CSF3R: variants seen among roughly 807,000 people sequenced by gnomAD.
The protein encoded by CSF3R is granulocyte colony-stimulating factor receptor.
Under a neutral mutation model 84.4 loss-of-function variants are expected in CSF3R, and 52 were observed. The observed-to-expected ratio is 0.62, with a 90% CI of 0.49 to 0.78. The LOEUF (loss-of-function observed/expected upper bound fraction) is 0.78, where lower values mean the gene tolerates loss of function less well. Among genes scored for constraint, CSF3R ranks in the 30% least tolerant of loss-of-function variants. CSF3R has a pLI of 0.00. For missense variants in CSF3R, 890 were observed against 1,055.7 expected, an observed-to-expected ratio of 0.84 and a Z score of 2.17; for synonymous variants, 384 against 429.1, an observed-to-expected ratio of 0.89 and a Z score of 1.30.
Position 36,466,373 on chromosome 1 carries a change from G to T in CSF3R, c.2495C>A (p.Ala832Glu). 1 of 1,613,030 alleles carries T rather than the reference G, an allele frequency of 6.2e-7. No homozygotes were observed. Among genetic ancestry groups the T allele is most frequent in the Non-Finnish European group, 8.5e-7 (1 of 1,179,974 alleles). The part of the protein sequence containing the change: ...LQGIRVHGME[A>E]LGSF ...CAGGAAGCCCTAGAAGCTCCCCAGC[G>T]CCTCCATCCCATGGACCCGGATCCC... Residue 832 changes from alanine to glutamate, a missense_variant, in exon 17 of 17, where the codon GCG (alanine) becomes GAG (glutamate). By Grantham distance (107) the Ala-to-Glu change is moderately radical (BLOSUM62 -1). Transcript: ENST00000373106. This position sits in a 1 kb window ranked among gnomAD's most constrained non-coding sequence, Gnocchi z 4.6.
At position 36,466,587 on chromosome 1, in the gene CSF3R, T is replaced by G. The variant is rs751957916; in HGVS notation, c.2281A>C (p.Ser761Arg). ...LYGQLLGSPT[S>R]PGPGHYLRCD... The stretch of plus-strand genomic sequence containing the variant: ...CGGAGATAGTGCCCTGGCCCTGGGC[T>G]TGTGGGGCTGCCCAGCAGCTGCCCA... The change falls in exon 17 of 17, where the codon AGC becomes CGC. Residue 761 changes from serine to arginine, a missense_variant. Ser to Arg is a moderately radical substitution (Grantham distance 110). Coordinates refer to ENST00000373106, the MANE Select transcript of CSF3R (RefSeq NM_000760.4). This position sits in a 1 kb window ranked among gnomAD's most constrained non-coding sequence, Gnocchi z 4.6. 2.5e-6 allele frequency: 4 copies of G among 1,612,278 alleles called. No individual in the cohort carries two copies. The highest frequency in any genetic ancestry group is 2.2e-5 in the South Asian group (2 of 91,026).
chr1:36,467,963 C>A lies in CSF3R; in HGVS notation c.1724-1G>T, dbSNP rs766648717. The stretch of plus-strand genomic sequence containing the variant: ...CGGGAGGAGGCATTCAGGATGGCGG[C>A]TGGGAGGGGTGTACGGTCAGCATAG... On this transcript the variant is annotated splice_acceptor_variant, in intron 13 of 16. Transcript: ENST00000373106. LOFTEE classifies it high-confidence loss of function. The surrounding 1 kb of genome is among the most constrained non-coding windows in gnomAD (Gnocchi z 4.1). The A allele has an allele frequency of 1.2e-6, 2 of 1,614,178 alleles. No homozygotes were observed. The highest frequency in any genetic ancestry group is 1.7e-6 in the Non-Finnish European group (2 of 1,180,046).
At chr1:36,479,226 G>A (rs553090332) in intron 3 of CSF3R, 14 of 647,634 alleles carry the variant, frequency 2.2e-5, no homozygotes, top group South Asian at 1.3e-4. Flanking sequence ...TGACCAGCCC[G>A]GGTCGTCTCA....
intron 4 of CSF3R, 102 bp from the exon 5 acceptor site, chr1:36,473,989 C>T: frequency 1.3e-6 from 2 of 1,540,054 alleles, no homozygotes; most frequent in Admixed American, 3.4e-5. Context: ...CTTGGTTCCT[C>T]TGTTGTCACC....
chr1:36,466,801 GC>G lies in CSF3R; in HGVS notation c.2066del (p.Gly689AlafsTer113). On this transcript the variant is annotated frameshift_variant, in exon 17 of 17. Transcript: ENST00000373106. LOFTEE classifies it low-confidence loss of function (END_TRUNC). This position sits in a 1 kb window ranked among gnomAD's most constrained non-coding sequence, Gnocchi z 4.6. ...CTGTGAGCTTGGTGATGGGTGGCGT[GC>G]CAAGGCCGGGCAGCTGGAAGGCATC... ...EEDAFQLPGL[G>X]TPPITKLTVL... The G allele has an allele frequency of 6.2e-7, 1 of 1,614,194 alleles. No homozygotes were observed. The highest frequency in any genetic ancestry group is 8.5e-7 in the Non-Finnish European group (1 of 1,180,038).
Position 36,472,755 on chromosome 1 carries a change from T to A in CSF3R, c.674-69A>T. The A allele has an allele frequency of 6.9e-7, 1 of 1,444,010 alleles. No homozygotes were observed. Among genetic ancestry groups the A allele is most frequent in the Non-Finnish European group, 9.2e-7 (1 of 1,088,674 alleles). The allele number at this position is 1,444,010 out of a possible 1,614,324, so 89.4% of individuals were successfully genotyped here. On this transcript the variant is annotated intron_variant, in intron 6 of 16. Transcript: ENST00000373106. The surrounding 1 kb of genome is among the most constrained non-coding windows in gnomAD (Gnocchi z 5.0). ...AGAGGGCTCTGCCTTAGCTCCCTCTTGTCTCCCTGTCTGTGGTTCACCATC... is the reference window on the plus strand; with the variant it reads ...AGAGGGCTCTGCCTTAGCTCCCTCTAGTCTCCCTGTCTGTGGTTCACCATC...
Position 36,472,290 on chromosome 1 carries a change from A to G in CSF3R, c.945T>C (p.Pro315=), listed in dbSNP as rs764772333. The G allele has an allele frequency of 1.9e-6, 3 of 1,614,038 alleles. No individual in the cohort carries two copies. The highest frequency in any genetic ancestry group is 1.3e-5 in the African/African-American group (1 of 74,924). The part of the protein sequence containing the change: ...LQIRCIRWPL[P]GHWSDWSPSL... ...TGGGGCTCCAGTCGCTCCAGTGGCC[A>G]GGCAGGGGCCAGCGGATGCAGCGTA... The change falls in exon 8 of 17, where the codon CCT becomes CCC. Residue 315 remains proline (P), a synonymous_variant. Coordinates refer to ENST00000373106, the MANE Select transcript of CSF3R (RefSeq NM_000760.4). The surrounding 1 kb of genome is among the most constrained non-coding windows in gnomAD (Gnocchi z 5.0).
In CSF3R at chr1:36,468,353, A is replaced by G. The variant is rs894237018; in HGVS notation, c.1577-132T>C. The G allele has an allele frequency of 5.4e-6, 5 of 926,108 alleles. No homozygotes were observed. The East Asian group carries it at 1.1e-4, about 20-fold the overall frequency. The allele number at this position is 926,108 out of a possible 1,614,324, so 57.4% of individuals were successfully genotyped here. A position where few individuals can be genotyped will look rare whatever the true frequency, so the allele number is the denominator to read the frequency against. ...CCAAGGGGACTCATGCCCAAGCCTC[A>G]TTTTTCCCAGGGATTTAATCCAGAT... is the stretch of plus-strand genomic sequence containing the variant. On this transcript the variant is annotated intron_variant, in intron 12 of 16. Coordinates refer to ENST00000373106, the MANE Select transcript of CSF3R (RefSeq NM_000760.4).
intron 2 of CSF3R, chr1:36,479,915 A>T: frequency 2.9e-6 from 1 of 340,150 alleles, no homozygotes; most frequent in Non-Finnish European, 5.8e-6. Context: ...CTAGCAGCAG[A>T]TAAGGGACTG....
rs1354900921 is a variant in CSF3R at position 36,481,556 on chromosome 1, A to G, written c.-80-19T>C. 6.6e-6 allele frequency: 1 copy of G among 152,190 alleles called. No individual in the cohort carries two copies. Among genetic ancestry groups the G allele is most frequent in the African/African-American group, 2.4e-5 (1 of 41,426 alleles). 9.4% of individuals were successfully genotyped at this position (152,190 alleles called of 1,614,324 possible). On this transcript the variant is annotated intron_variant, in intron 1 of 16. Transcript: ENST00000373106. ...TCCCCATCTGTGGGAAAGAAATAAC[A>G]TTAGCACTCACTCCTCAGCGTTGTT...
intron 11 of CSF3R, 124 bp downstream of exon 11, chr1:36,469,528 A>G (rs1257370014): frequency 4.2e-6 from 5 of 1,198,448 alleles, no homozygotes; most frequent in Non-Finnish European, 4.9e-6. Flanking sequence ...GAGAACAACG[A>G]AGGATCAAGA....
At position 36,472,098 on chromosome 1, in the gene CSF3R, G is replaced by C. The variant is rs944072630; in HGVS notation, c.1039C>G (p.Leu347Val). ...RLDTWWRQRQLDPRTVQLFWK... is the reference protein window; with the variant it reads ...RLDTWWRQRQVDPRTVQLFWK... The stretch of plus-strand genomic sequence containing the variant: ...AACAGCTGCACTGTCCTGGGGTCCA[G>C]CTGCCTCTGCCGCCACCATGTGTCC... The change falls in exon 9 of 17, where the codon CTG becomes GTG. Residue 347 changes from leucine (L) to valine (V), a missense_variant. By Grantham distance (32) the Leu-to-Val change is conservative. Transcript: ENST00000373106. This position sits in a 1 kb window ranked among gnomAD's most constrained non-coding sequence, Gnocchi z 5.0. The C allele has an allele frequency of 6.2e-7, 1 of 1,613,640 alleles. No individual in the cohort carries two copies. The highest frequency in any genetic ancestry group is 8.5e-7 in the Non-Finnish European group (1 of 1,180,034).
intron 12 of CSF3R, 51 bp from the exon 13 acceptor site, chr1:36,468,272 G>A: frequency 6.6e-7 from 1 of 1,519,294 alleles, no homozygotes. Context: ...CAGAGCAAGA[G>A]CCCGGTTGGA....
Position 36,472,599 on chromosome 1 carries a change from T to A in CSF3R, c.761A>T (p.Glu254Val). 6.2e-7 allele frequency: 1 copy of A among 1,613,972 alleles called. No individual in the cohort carries two copies. The highest frequency in any genetic ancestry group is 1.1e-5 in the South Asian group (1 of 91,074). ...PQAGCLQLCWEPWQPGLHINQ... is the reference protein window; with the variant it reads ...PQAGCLQLCWVPWQPGLHINQ... The stretch of plus-strand genomic sequence containing the variant: ...TATGTGCAGGCCTGGCTGCCATGGC[T>A]CCCAGCACAGCTGTAGGCAGCCTGC... Residue 254 changes from glutamate to valine, a missense_variant, in exon 7 of 17, where the codon GAG becomes GTG. Glu to Val is a moderately radical substitution (Grantham distance 121). Coordinates refer to ENST00000373106, the MANE Select transcript of CSF3R (RefSeq NM_000760.4). The surrounding 1 kb of genome is among the most constrained non-coding windows in gnomAD (Gnocchi z 5.0).
At chr1:36,469,089 G>T in intron 12 of CSF3R, 67 bp downstream of exon 12, 1 of 1,168,552 alleles carries the variant, frequency 8.6e-7, no homozygotes, top group Non-Finnish European at 1.3e-6. Flanking sequence ...TCTGATTGCT[G>T]GGGACCAGGC....
chr1:36,471,099 G>A (rs961911792), intron 10 of CSF3R, among the ~76,000 whole-genome samples: 22 of 152,086 alleles, frequency 1.4e-4, no homozygotes, highest in Middle Eastern at 3.2e-3. Context: ...AGGCTAGAGT[G>A]TAATGGCGTG....
intron 3 of CSF3R, 90 bp from the exon 4 acceptor site, chr1:36,475,763 C>T (rs1053729583): frequency 7.8e-7 from 1 of 1,283,502 alleles, no homozygotes; most frequent in East Asian, 2.5e-5. Flanking sequence ...GACTCAGAGG[C>T]CTCACCTTCC....
intron 12 of CSF3R, 45 bp downstream of exon 12, chr1:36,469,111 A>ATT: frequency 7.2e-7 from 1 of 1,388,522 alleles, no homozygotes; most frequent in Non-Finnish European, 1.0e-6. Flanking sequence ...GAGCCTTGGG[A>ATT]GAGAGAGGAG....
Position 36,466,307 on chromosome 1 carries a change from C to A in CSF3R, c.*50G>T, listed in dbSNP as rs369842345. 2 of 1,611,792 alleles carry A rather than the reference C, an allele frequency of 1.2e-6. No homozygotes were observed. Among genetic ancestry groups the A allele is most frequent in the South Asian group, 2.2e-5 (2 of 90,918 alleles). ...TTATGGACCCTCCCCTCTTCTCCAG[C>A]TAGCTCAGGCCTTTAAGAGGCAGGC... is the stretch of plus-strand genomic sequence containing the variant. On this transcript the variant is annotated 3_prime_UTR_variant, in exon 17 of 17. Transcript: ENST00000373106. This position sits in a 1 kb window ranked among gnomAD's most constrained non-coding sequence, Gnocchi z 4.6.
Sources: gnomAD v4.1 joint callset for allele counts (sites outside exome capture counted in the v4.1 genomes callset) on GRCh38, gnomAD v4.1.1 for gene constraint, Gnocchi (gnomAD v3.1) non-coding constraint, MANE v1.5 for transcripts, NCBI Gene and HGNC (gene_info 2026-07-23, HGNC 2026-07-21) for gene names.